The following WWC1 variants were observed in gnomAD, a reference collection of about 807,000 sequenced individuals.
WWC1 encodes WW and C2 domain containing 1, also known as protein KIBRA.
Under a neutral mutation model 138.4 loss-of-function variants are expected in WWC1, and 55 were observed. That is an observed-to-expected ratio of 0.40 (90% CI 0.32 to 0.50). The LOEUF (loss-of-function observed/expected upper bound fraction) is 0.50, where lower values mean the gene tolerates loss of function less well. Ranked by LOEUF, WWC1 falls within the 20% of genes least tolerant of loss-of-function variation. The pLI is 0.72. For missense variants in WWC1, 1,226 were observed against 1,420.4 expected, an observed-to-expected ratio of 0.86 and a Z score of 2.20; for synonymous variants, 524 against 564.9, an observed-to-expected ratio of 0.93 and a Z score of 1.03.
chr5:168,315,272 A>C (rs1358351270), intron 1 of WWC1, among the ~76,000 whole-genome samples: 1 of 151,864 alleles, frequency 6.6e-6, no homozygotes, highest in Non-Finnish European at 1.5e-5. Context: ...TGTAAAATGC[A>C]GATTCCTGGG....
At chr5:168,415,792 T>TGG (rs1780563477) in intron 9 of WWC1, 1 of 2,772 alleles carries the variant, frequency 3.6e-4, no homozygotes, top group Non-Finnish European at 7.2e-4. Context: ...TTCAAGTGTG[T>TGG]GTGTGTGGGG....
chr5:168,464,229 A>G (rs1757053067), intron 20 of WWC1, among the ~76,000 whole-genome samples: 1 of 152,224 alleles, frequency 6.6e-6, no homozygotes, highest in Non-Finnish European at 1.5e-5. Flanking sequence ...TCAAGAAGAC[A>G]TGACTTCTGC....
chr5:168,426,810 G>A (rs910518371), intron 11 of WWC1, among the ~76,000 whole-genome samples: 3 of 152,242 alleles, frequency 2.0e-5, no homozygotes, highest in Non-Finnish European at 2.9e-5. Context: ...CGGTCTGCCC[G>A]CAGGTGCTCA....
intron 1 of WWC1, among the ~76,000 whole-genome samples, chr5:168,356,546 A>G (rs1360727848): frequency 6.6e-6 from 1 of 152,332 alleles, no homozygotes; most frequent in Non-Finnish European, 1.5e-5. Context: ...CGAATGTGAT[A>G]ATGGAGTCAA....
Position 168,339,832 on chromosome 5 carries a change from T to TTCTTTCTTTC in WWC1, c.120-31591_120-31590insCTTTCTTTCT, listed in dbSNP as rs796623514. 6.0e-3 allele frequency among the ~76,000 whole-genome samples: 288 copies of TTCTTTCTTTC among 48,336 alleles called. 3 individuals are homozygous for TTCTTTCTTTC. Among genetic ancestry groups the TTCTTTCTTTC allele is most frequent in the Middle Eastern group, 0.022 (2 of 92 alleles). 31.7% of individuals were successfully genotyped at this position (48,336 alleles called of 152,430 possible). The stretch of plus-strand genomic sequence containing the variant: ...TTTCTTTCTTTCTTTCTTTCTTTCT[T>TTCTTTCTTTC]TTTCTTTTCTTTCTTTCTTTCTCTC... On this transcript the variant is annotated intron_variant, in intron 1 of 22. Coordinates refer to ENST00000265293, the MANE Select transcript of WWC1 (RefSeq NM_015238.3).
chr5:168,442,723 G>C (rs1486436723), intron 16 of WWC1, among the ~76,000 whole-genome samples: 1 of 151,410 alleles, frequency 6.6e-6, no homozygotes, highest in Non-Finnish European at 1.5e-5. Context: ...TGTAATCCTA[G>C]CTACTAGGGA....
chr5:168,389,768 C>T (rs1219630937), intron 3 of WWC1, among the ~76,000 whole-genome samples: 2 of 152,088 alleles, frequency 1.3e-5, no homozygotes, highest in East Asian at 3.9e-4. Context: ...TTAACCTCAG[C>T]ACCATTAACA....
intron 1 of WWC1, among the ~76,000 whole-genome samples, chr5:168,339,895 GTCTCTCTCTCTTTCTCTCTCTC>G: frequency 1.5e-5 from 1 of 66,790 alleles, no homozygotes; most frequent in East Asian, 3.5e-4. Context: ...CTCTCTCTCT[GTCTCTCTCTCTTTCTCTCTCTC>G]TCTCTCTTTC....
chr5:168,292,057 T>C lies in WWC1; in HGVS notation c.-96T>C. 1.5e-6 allele frequency: 2 copies of C among 1,367,728 alleles called. No homozygotes were observed. The highest frequency in any genetic ancestry group is 1.9e-6 in the Non-Finnish European group (2 of 1,062,632). The allele number at this position is 1,367,728 out of a possible 1,614,324, so 84.7% of individuals were successfully genotyped here. A position where few individuals can be genotyped will look rare whatever the true frequency, so the allele number is the denominator to read the frequency against. On this transcript the variant is annotated 5_prime_UTR_variant, in exon 1 of 23. Coordinates refer to ENST00000265293, the MANE Select transcript of WWC1 (RefSeq NM_015238.3). The surrounding 1 kb of genome is among the most constrained non-coding windows in gnomAD (Gnocchi z 4.4). ...GCGCCACCCCCCGGATCATGGTGCC[T>C]CGGCGGCCGCCCGGGCTAAGAGCGG...
chr5:168,429,512 G>A (rs550888275), intron 13 of WWC1, among the ~76,000 whole-genome samples: 1 of 152,160 alleles, frequency 6.6e-6, no homozygotes, highest in Non-Finnish European at 1.5e-5. Context: ...GCCCGCCTTG[G>A]CCTCCCAAAG....
intron 15 of WWC1, among the ~76,000 whole-genome samples, chr5:168,440,716 C>T (rs555085599): frequency 6.6e-6 from 1 of 152,214 alleles, no homozygotes; most frequent in African/African-American, 2.4e-5. Flanking sequence ...GGGGTTTCTC[C>T]ATGTTGGTCA....
chr5:168,351,160 A>AGCT (rs1286027011), intron 1 of WWC1, among the ~76,000 whole-genome samples: 1 of 151,812 alleles, frequency 6.6e-6, no homozygotes, highest in Non-Finnish European at 1.5e-5. Flanking sequence ...AAAAAAAAAA[A>AGCT]ATCCCAGCTA....
rs1278175419 is a variant in WWC1 at position 168,453,970 on chromosome 5, G to A, written c.2528G>A (p.Arg843Lys). 6.2e-7 allele frequency: 1 copy of A among 1,612,686 alleles called. No homozygotes were observed. Among genetic ancestry groups the A allele is most frequent in the Admixed American group, 1.7e-5 (1 of 59,982 alleles). Residue 843 changes from arginine to lysine, a missense_variant and splice_region_variant, in exon 18 of 23, where the codon AGG becomes AAG. By Grantham distance (26) the Arg-to-Lys change is conservative (BLOSUM62 2). Around this residue, in one of 3 missense-constraint regions of WWC1, gnomAD observed 1,016 missense variants for 1,153.9 expected, o/e 0.88. Coordinates refer to ENST00000265293, the MANE Select transcript of WWC1 (RefSeq NM_015238.3). The part of the protein sequence containing the change: ...SSTQTLEDSW[R>K]YEETSENEAV... ...ACCAAAGTGCTTTGTCATCACAGGA[G>A]GTATGAGGAGACCAGTGAGAATGAG...
chr5:168,462,919 C>T (rs1756943247), intron 20 of WWC1, among the ~76,000 whole-genome samples: 1 of 152,210 alleles, frequency 6.6e-6, no homozygotes, highest in African/African-American at 2.4e-5. Flanking sequence ...AGCTGGATTT[C>T]CTTGATCCTG....
intron 5 of WWC1, among the ~76,000 whole-genome samples, chr5:168,400,203 C>T (rs1436056960): frequency 6.6e-6 from 1 of 151,990 alleles, no homozygotes; most frequent in Non-Finnish European, 1.5e-5. Context: ...ATTTGAAGTT[C>T]GGGGTACATG....
chr5:168,374,603 A>T (rs10074534), intron 2 of WWC1, among the ~76,000 whole-genome samples: 42,798 of 152,064 alleles, frequency 0.28, 6,597 homozygotes, highest in East Asian at 0.44. Context: ...AGCAGAGTAG[A>T]GGTCAGGCAG....
intron 1 of WWC1, among the ~76,000 whole-genome samples, chr5:168,316,266 C>T (rs755605901): frequency 7.9e-5 from 12 of 152,180 alleles, no homozygotes; most frequent in Non-Finnish European, 1.6e-4. Context: ...CTGTCTTCAT[C>T]GCATCAGTGA....
At chr5:168,314,524 G>A (rs59788923) in intron 1 of WWC1, among the ~76,000 whole-genome samples, 2,876 of 152,126 alleles carry the variant, frequency 0.019, 96 homozygotes, top group African/African-American at 0.065. Flanking sequence ...CCGAGATTGC[G>A]CCATTGGACT....
chr5:168,391,658 C>CAAA (rs568054198), intron 3 of WWC1, among the ~76,000 whole-genome samples: 7 of 82,860 alleles, frequency 8.4e-5, no homozygotes, highest in Non-Finnish European at 1.3e-4. Context: ...CACTCCGTCT[C>CAAA]AAAAAAAAAA....
Sources: allele counts gnomAD v4.1 joint callset (sites outside exome capture counted in the v4.1 genomes callset), GRCh38; gene constraint gnomAD v4.1.1; regional missense constraint gnomAD v4.1.1; non-coding constraint Gnocchi (gnomAD v3.1); transcripts MANE v1.5; gene names NCBI Gene and HGNC (gene_info 2026-07-23, HGNC 2026-07-21).